LIPI: variants seen among roughly 807,000 people sequenced by gnomAD.
LIPI encodes lipase I, also known as lipase member I.
Under a neutral mutation model 50.6 loss-of-function variants are expected in LIPI, and 59 were observed. That is an observed-to-expected ratio of 1.16 (90% CI 0.94 to 1.45). The LOEUF (loss-of-function observed/expected upper bound fraction) is 1.45. LIPI is among the 40% of genes most tolerant of loss of function. LIPI has a pLI of 0.00. For missense variants in LIPI, 586 were observed against 536.3 expected (o/e 1.09, Z -0.92); for synonymous variants, 203 against 178.2 (o/e 1.14, Z -1.11).
At chr21:14,134,649 C>T (rs555536816) in intron 9 of LIPI, among the ~76,000 whole-genome samples, 1 of 152,166 alleles carries the variant, frequency 6.6e-6, no homozygotes, top group Non-Finnish European at 1.5e-5. Flanking sequence ...ACCCTACAAC[C>T]AACTGATCTC....
intron 9 of LIPI, among the ~76,000 whole-genome samples, chr21:14,140,876 T>C (rs2017681924): frequency 6.6e-6 from 1 of 152,178 alleles, no homozygotes. Context: ...TTATTATTTG[T>C]AATTCCAAGT....
intron 7 of LIPI, among the ~76,000 whole-genome samples, chr21:14,157,970 G>A (rs192668813): frequency 4.0e-5 from 6 of 151,750 alleles, no homozygotes; most frequent in Non-Finnish European, 7.4e-5. Context: ...GAAAAATTAT[G>A]TCCAAGTACT....
intron 9 of LIPI, among the ~76,000 whole-genome samples, chr21:14,125,158 CA>C (rs148563319): frequency 0.027 from 4,131 of 152,158 alleles, 179 homozygotes; most frequent in African/African-American, 0.091. Context: ...TAAATTATAC[CA>C]GATGAAAATA....
chr21:14,119,868 T>C (rs2016797686), intron 9 of LIPI, among the ~76,000 whole-genome samples: 1 of 152,184 alleles, frequency 6.6e-6, no homozygotes, highest in Non-Finnish European at 1.5e-5. Context: ...TAGCCGAGGA[T>C]GCTAACAAGC....
At chr21:14,185,060 AC>A (rs1442262475) in intron 3 of LIPI, among the ~76,000 whole-genome samples, 9 of 152,134 alleles carry the variant, frequency 5.9e-5, no homozygotes, top group Non-Finnish European at 1.3e-4. Context: ...TTTTTTCAAA[AC>A]AAAAAAGGTA....
At chr21:14,126,158 A>T (rs2017057099) in intron 9 of LIPI, among the ~76,000 whole-genome samples, 2 of 152,286 alleles carry the variant, frequency 1.3e-5, no homozygotes, top group East Asian at 3.9e-4. Flanking sequence ...ATAAAGTTCA[A>T]CTCACATTTA....
chr21:14,150,766 G>A (rs1156398706), intron 8 of LIPI, among the ~76,000 whole-genome samples: 1 of 152,112 alleles, frequency 6.6e-6, no homozygotes, highest in African/African-American at 2.4e-5. Context: ...TAGGTGAAAA[G>A]GGCCGAAAAG....
intron 4 of LIPI, among the ~76,000 whole-genome samples, chr21:14,171,485 C>T (rs987136591): frequency 6.6e-6 from 1 of 150,846 alleles, no homozygotes; most frequent in African/African-American, 2.4e-5. Flanking sequence ...GCTACAGTAA[C>T]CAAAACAGCA....
At position 14,189,005 on chromosome 21, in the gene LIPI, T is replaced by C. The variant is rs750708272; in HGVS notation, c.432+29A>G. 3.2e-6 allele frequency: 5 copies of C among 1,552,610 alleles called. No homozygotes were observed. The African/African-American group carries it at 5.4e-5, about 17-fold the overall frequency. On this transcript the variant is annotated intron_variant, in intron 2 of 9. Transcript: ENST00000681601. ...AGCACGTATAATATATTGTATAGCA[T>C]GTATAATACATAAAATTCCCAGACT...
intron 9 of LIPI, among the ~76,000 whole-genome samples, chr21:14,133,748 A>C (rs1203325823): frequency 6.6e-6 from 1 of 152,140 alleles, no homozygotes; most frequent in Admixed American, 6.6e-5. Context: ...CACCAAAAAA[A>C]CTCTTAAATT....
At chr21:14,114,239 A>G (rs1190851722) in intron 9 of LIPI, among the ~76,000 whole-genome samples, 1 of 151,912 alleles carries the variant, frequency 6.6e-6, no homozygotes, top group African/African-American at 2.4e-5. Context: ...AGGATGGGGG[A>G]ACCACCACAA....
chr21:14,183,904 G>C (rs1325649951), intron 3 of LIPI, among the ~76,000 whole-genome samples: 1 of 152,184 alleles, frequency 6.6e-6, no homozygotes. Flanking sequence ...CAACCACTGT[G>C]GAAGTCAGTG....
At chr21:14,112,738 T>C (rs1042202882) in intron 9 of LIPI, among the ~76,000 whole-genome samples, 2 of 152,114 alleles carry the variant, frequency 1.3e-5, no homozygotes, top group African/African-American at 2.4e-5. Context: ...TTATAAGACA[T>C]CATGCTTTTC....
At chr21:14,151,458 G>A (rs925706976) in intron 8 of LIPI, among the ~76,000 whole-genome samples, 2 of 152,122 alleles carry the variant, frequency 1.3e-5, no homozygotes, top group South Asian at 4.1e-4. Flanking sequence ...TACCAACCAT[G>A]CTTCCTGAAA....
At chr21:14,183,897 C>A (rs2019361575) in intron 3 of LIPI, among the ~76,000 whole-genome samples, 1 of 152,178 alleles carries the variant, frequency 6.6e-6, no homozygotes, top group Non-Finnish European at 1.5e-5. Flanking sequence ...ACTAGTTCAA[C>A]CACTGTGGAA....
intron 1 of LIPI, among the ~76,000 whole-genome samples, chr21:14,199,462 C>T (rs911409454): frequency 6.6e-6 from 1 of 151,904 alleles, no homozygotes; most frequent in Non-Finnish European, 1.5e-5. Context: ...ATGGACACTT[C>T]TATGCATATC....
Position 14,210,884 on chromosome 21 carries a change from CA to C in LIPI, c.-40del. On this transcript the variant is annotated 5_prime_UTR_variant, in exon 1 of 10. An upstream open reading frame in the 5' UTR gains an earlier in-frame stop. Coordinates refer to ENST00000681601, the MANE Select transcript of LIPI (RefSeq NM_001302998.2). ...AAAGCAAAAACAGCACTCAATTCACCAAAAAGGAAATTCCGTAACTCATTGA... is the reference window on the plus strand; with the variant it reads ...AAAGCAAAAACAGCACTCAATTCACCAAAAGGAAATTCCGTAACTCATTGA... 3 of 1,194,470 alleles carry C rather than the reference CA, an allele frequency of 2.5e-6. No homozygotes were observed. The highest frequency in any genetic ancestry group is 1.6e-5 in the South Asian group (1 of 64,048). The allele number at this position is 1,194,470 out of a possible 1,614,324, so 74.0% of individuals were successfully genotyped here.
chr21:14,193,788 C>A (rs1184022757), intron 1 of LIPI, among the ~76,000 whole-genome samples: 1 of 151,792 alleles, frequency 6.6e-6, no homozygotes, highest in South Asian at 2.1e-4. Context: ...GTAAATTGGA[C>A]TTAATCAAAA....
chr21:14,163,572 C>A, intron 6 of LIPI, 49 bp from the exon 7 acceptor site: 1 of 872,590 alleles, frequency 1.1e-6, no homozygotes, highest in Non-Finnish European at 2.0e-6. Flanking sequence ...CATCAAATAA[C>A]AAAAATGTCA....
Sources: gnomAD v4.1 joint callset for allele counts (sites outside exome capture counted in the v4.1 genomes callset) on GRCh38, gnomAD v4.1.1 for gene constraint, MANE v1.5 for transcripts, NCBI Gene and HGNC (gene_info 2026-07-23, HGNC 2026-07-21) for gene names.